The following B3GALT1 variants were observed in gnomAD, a reference collection of about 807,000 sequenced individuals.
The protein encoded by B3GALT1 is beta-1,3-galactosyltransferase 1.
Under a neutral mutation model 23.2 loss-of-function variants are expected in B3GALT1, and 10 were observed. That is an observed-to-expected ratio of 0.43 (90% CI 0.27 to 0.73). B3GALT1 has a LOEUF of 0.73. Ranked by LOEUF, B3GALT1 falls within the 30% of genes least tolerant of loss-of-function variation. The pLI is 0.21. For synonymous variants in B3GALT1, 156 were observed against 141.5 expected, an observed-to-expected ratio of 1.10 and a Z score of -0.73; for missense variants, 299 against 405.4, an observed-to-expected ratio of 0.74 and a Z score of 2.25.
At chr2:167,492,315 C>T (rs1175759138) in intron 2 of B3GALT1, among the ~76,000 whole-genome samples, 1 of 152,164 alleles carries the variant, frequency 6.6e-6, no homozygotes, top group Non-Finnish European at 1.5e-5. Context: ...CTTAATAGCT[C>T]ATTTCTTTTT....
At chr2:167,428,044 C>T (rs945388560) in intron 1 of B3GALT1, among the ~76,000 whole-genome samples, 3 of 152,160 alleles carry the variant, frequency 2.0e-5, no homozygotes, top group South Asian at 2.1e-4. Context: ...GAAAGGGAAA[C>T]GGGAAAACAT....
intron 2 of B3GALT1, among the ~76,000 whole-genome samples, chr2:167,577,362 C>G (rs547294267): frequency 6.6e-6 from 1 of 151,930 alleles, no homozygotes; most frequent in Non-Finnish European, 1.5e-5. Context: ...TTGAAAAAGT[C>G]CCTTCTTTGT....
At chr2:167,545,127 C>T (rs545900527) in intron 2 of B3GALT1, among the ~76,000 whole-genome samples, 2 of 147,082 alleles carry the variant, frequency 1.4e-5, no homozygotes, top group East Asian at 2.1e-4. Flanking sequence ...CTCTGCCTCC[C>T]GGGTTCATGC....
At chr2:167,801,327 G>GA (rs1191981003) in intron 3 of B3GALT1, among the ~76,000 whole-genome samples, 1 of 151,768 alleles carries the variant, frequency 6.6e-6, no homozygotes, top group Non-Finnish European at 1.5e-5. Context: ...GGAGATGGAA[G>GA]AAAAAAAATG....
At chr2:167,417,619 G>A (rs956458016) in intron 1 of B3GALT1, among the ~76,000 whole-genome samples, 2 of 152,172 alleles carry the variant, frequency 1.3e-5, no homozygotes, top group Non-Finnish European at 2.9e-5. Context: ...AAGGAAACTA[G>A]TATTATTCAA....
At chr2:167,737,735 T>C (rs1294623461) in intron 3 of B3GALT1, among the ~76,000 whole-genome samples, 1 of 152,256 alleles carries the variant, frequency 6.6e-6, no homozygotes, top group Admixed American at 6.5e-5. Context: ...GATTCTCTGT[T>C]GTATTTCCTC....
chr2:167,711,278 C>A (rs1325373890), intron 3 of B3GALT1, among the ~76,000 whole-genome samples: 2 of 152,216 alleles, frequency 1.3e-5, no homozygotes, highest in Non-Finnish European at 2.9e-5. Context: ...TCCATCACAT[C>A]ACTCCTCTGT....
At chr2:167,762,397 A>G (rs1379910873) in intron 3 of B3GALT1, among the ~76,000 whole-genome samples, 1 of 152,166 alleles carries the variant, frequency 6.6e-6, no homozygotes. Flanking sequence ...TACCATCCCT[A>G]TGAAAATGCT....
At chr2:167,737,268 G>A (rs1023249307) in intron 3 of B3GALT1, among the ~76,000 whole-genome samples, 8 of 152,276 alleles carry the variant, frequency 5.3e-5, no homozygotes, top group African/African-American at 1.9e-4. Flanking sequence ...ACTGGATGAG[G>A]AAACTGGTTT....
chr2:167,806,439 C>A (rs569068691), intron 3 of B3GALT1, among the ~76,000 whole-genome samples: 2 of 152,218 alleles, frequency 1.3e-5, no homozygotes, highest in Non-Finnish European at 2.9e-5. Context: ...AGTTTTTGCC[C>A]ATTCAGTATG....
intron 3 of B3GALT1, among the ~76,000 whole-genome samples, chr2:167,777,843 G>A (rs1688187134): frequency 1.3e-5 from 2 of 152,050 alleles, no homozygotes; most frequent in South Asian, 2.1e-4. Flanking sequence ...CTAGGACAGT[G>A]ATTCTCAACA....
intron 2 of B3GALT1, among the ~76,000 whole-genome samples, chr2:167,619,733 C>T (rs1237516782): frequency 6.6e-6 from 1 of 151,996 alleles, no homozygotes; most frequent in Admixed American, 6.6e-5. Context: ...AGGTAATTGT[C>T]CAGCTTCCAG....
intron 4 of B3GALT1, among the ~76,000 whole-genome samples, chr2:167,843,969 T>A (rs113724076): frequency 2.0e-5 from 3 of 152,328 alleles, no homozygotes; most frequent in African/African-American, 7.2e-5. Context: ...CATCTGTCCC[T>A]ATATTCATAT....
At chr2:167,750,503 A>G (rs989454164) in intron 3 of B3GALT1, among the ~76,000 whole-genome samples, 23 of 152,154 alleles carry the variant, frequency 1.5e-4, no homozygotes, top group Non-Finnish European at 5.9e-5. Context: ...TTTCTTTCAC[A>G]TACATTAATG....
At chr2:167,655,883 A>G (rs1460599487) in intron 3 of B3GALT1, among the ~76,000 whole-genome samples, 1 of 152,160 alleles carries the variant, frequency 6.6e-6, no homozygotes, top group Non-Finnish European at 1.5e-5. Flanking sequence ...ATGTCAGCAA[A>G]CTAATGAAAA....
chr2:167,454,005 A>G (rs1300082938), intron 1 of B3GALT1, among the ~76,000 whole-genome samples: 1 of 152,196 alleles, frequency 6.6e-6, no homozygotes, highest in Non-Finnish European at 1.5e-5. Flanking sequence ...AGTTCTATTT[A>G]TCCACATCAG....
At chr2:167,534,196 C>A (rs1263669488) in intron 2 of B3GALT1, among the ~76,000 whole-genome samples, 1 of 152,068 alleles carries the variant, frequency 6.6e-6, no homozygotes, top group Non-Finnish European at 1.5e-5. Context: ...CCCTTAACTC[C>A]GAAGACATTG....
intron 1 of B3GALT1, among the ~76,000 whole-genome samples, chr2:167,443,533 C>T (rs1698930879): frequency 1.3e-5 from 2 of 151,260 alleles, no homozygotes; most frequent in South Asian, 4.2e-4. Flanking sequence ...CATTTGTGTC[C>T]TCTTTTATTT....
intron 2 of B3GALT1, among the ~76,000 whole-genome samples, chr2:167,615,915 G>A (rs1195251697): frequency 3.9e-5 from 6 of 152,006 alleles, no homozygotes; most frequent in African/African-American, 7.2e-5. Context: ...AGTTCTAAGT[G>A]GTGAAGCCAG....
Sources: gnomAD v4.1 joint callset for allele counts (sites outside exome capture counted in the v4.1 genomes callset) on GRCh38, gnomAD v4.1.1 for gene constraint, MANE v1.5 for transcripts, NCBI Gene and HGNC (gene_info 2026-07-23, HGNC 2026-07-21) for gene names.